Variants in CA8 observed in about 807,000 individuals in gnomAD.
CA8 encodes carbonic anhydrase 8 (inactive), also known as carbonic anhydrase-related protein.
A neutral mutation model predicts 41.4 loss-of-function variants in CA8; 22 were observed. The observed-to-expected ratio is 0.53, with a 90% CI of 0.38 to 0.76. CA8 has a LOEUF of 0.76. CA8 is among the 30% of genes least tolerant of loss of function. The pLI is 0.00. For synonymous variants in CA8, 121 were observed against 130.6 expected, an observed-to-expected ratio of 0.93 and a Z score of 0.50; for missense variants, 270 against 352.8, an observed-to-expected ratio of 0.77 and a Z score of 1.88.
intron 3 of CA8, among the ~76,000 whole-genome samples, chr8:60,261,594 T>C (rs1423101044): frequency 6.6e-6 from 1 of 152,164 alleles, no homozygotes; most frequent in African/African-American, 2.4e-5. Flanking sequence ...CCTAAATCTA[T>C]CCAATTTATG....
intron 8 of CA8, among the ~76,000 whole-genome samples, chr8:60,192,137 A>C (rs565274087): frequency 3.9e-4 from 59 of 152,262 alleles, no homozygotes. Context: ...TGATGATCTT[A>C]TTAGCTTTAC....
At chr8:60,216,844 T>C (rs1807039417) in intron 7 of CA8, among the ~76,000 whole-genome samples, 1 of 152,228 alleles carries the variant, frequency 6.6e-6, no homozygotes, top group Non-Finnish European at 1.5e-5. Context: ...ACTCAACAAA[T>C]CTAAACCTTT....
rs144844490 is a variant in CA8, at chr8:60,185,574, G to A, written c.*4447C>T. ...GGGGGGAAACCATTTGTTTTTGAAA[G>A]CAGAAACAGAAAAACGATTTGTCTT... On this transcript the variant is annotated 3_prime_UTR_variant, in exon 9 of 9. Coordinates refer to ENST00000317995, the MANE Select transcript of CA8 (RefSeq NM_004056.6). Among the ~76,000 whole-genome samples, 21 of 152,196 alleles carry A rather than the reference G, an allele frequency of 1.4e-4. No individual in the cohort carries two copies. The highest frequency in any genetic ancestry group is 4.6e-4 in the African/African-American group (19 of 41,552).
intron 3 of CA8, chr8:60,265,234 G>T (rs13248852): frequency 0.23 from 34,483 of 152,164 alleles, 4,716 homozygotes; most frequent in East Asian, 0.38. Flanking sequence ...CTCACAGGCA[G>T]CAAGAAAGAC....
At chr8:60,226,032 GT>G (rs1807426994) in intron 5 of CA8, among the ~76,000 whole-genome samples, 1 of 152,202 alleles carries the variant, frequency 6.6e-6, no homozygotes, top group African/African-American at 2.4e-5. Context: ...TCATGGCAGG[GT>G]CATGTGGATC....
At chr8:60,265,399 G>A (rs1408566846) in intron 3 of CA8, 1 of 160,810 alleles carries the variant, frequency 6.2e-6, no homozygotes, top group Non-Finnish European at 1.4e-5. Flanking sequence ...GCGTATCAAA[G>A]AAACAGCAGA....
intron 3 of CA8, among the ~76,000 whole-genome samples, chr8:60,244,923 G>A (rs1471983153): frequency 6.6e-6 from 1 of 152,168 alleles, no homozygotes; most frequent in African/African-American, 2.4e-5. Flanking sequence ...GAGAACGGTA[G>A]TTGGTCCAAG....
At chr8:60,247,348 A>T (rs924108151) in intron 3 of CA8, among the ~76,000 whole-genome samples, 5 of 151,940 alleles carry the variant, frequency 3.3e-5, no homozygotes, top group African/African-American at 1.2e-4. Flanking sequence ...ATCAACCCAT[A>T]ATCTAGGTTT....
chr8:60,211,044 C>T (rs1806817323), intron 7 of CA8, among the ~76,000 whole-genome samples: 1 of 152,172 alleles, frequency 6.6e-6, no homozygotes, highest in African/African-American at 2.4e-5. Context: ...GGACTCTGCA[C>T]CCAAAGGCCA....
chr8:60,277,314 TAACCACAGGCAGAAAG>T (rs1404832980), intron 2 of CA8, among the ~76,000 whole-genome samples: 4 of 151,700 alleles, frequency 2.6e-5, no homozygotes, highest in Admixed American at 6.6e-5. Context: ...GAGCAGGGGA[TAACCACAGGCAGAAAG>T]AACCACAGGC....
intron 2 of CA8, among the ~76,000 whole-genome samples, chr8:60,269,250 A>T (rs1376899929): frequency 6.6e-6 from 1 of 152,040 alleles, no homozygotes; most frequent in African/African-American, 2.4e-5. Context: ...TTTAAATAAA[A>T]AAACAAATCA....
intron 7 of CA8, among the ~76,000 whole-genome samples, chr8:60,214,333 G>C (rs1806943801): frequency 6.6e-6 from 1 of 152,156 alleles, no homozygotes; most frequent in African/African-American, 2.4e-5. Context: ...CCATTAACAA[G>C]GGAAGGACCC....
At chr8:60,272,507 C>A (rs139002138) in intron 2 of CA8, among the ~76,000 whole-genome samples, 240 of 152,256 alleles carry the variant, frequency 1.6e-3, no homozygotes, top group African/African-American at 5.6e-3. Flanking sequence ...GAACAAATCT[C>A]TTCCAGACAT....
chr8:60,230,360 T>C (rs1807600513), intron 4 of CA8, among the ~76,000 whole-genome samples: 1 of 152,196 alleles, frequency 6.6e-6, no homozygotes, highest in South Asian at 2.1e-4. Flanking sequence ...ATGTCTGCAA[T>C]AGCTCTTATT....
At chr8:60,237,606 C>T (rs990907084) in intron 3 of CA8, among the ~76,000 whole-genome samples, 4 of 152,234 alleles carry the variant, frequency 2.6e-5, no homozygotes, top group African/African-American at 9.6e-5. Context: ...CCTGCTCTAC[C>T]TGGTAAACAC....
chr8:60,246,923 C>G (rs7813325), intron 3 of CA8, among the ~76,000 whole-genome samples: 54,694 of 140,498 alleles, frequency 0.39, 11,065 homozygotes, highest in African/African-American at 0.49. Flanking sequence ...TTGCTCTGTC[C>G]CCCAGGCTGG....
rs2130645250 is a variant in CA8, at chr8:60,281,237, GGGGAGTGTGAGCACGCGTGA to G, written c.-110_-91del. ...CTGGAGCCGGAGCGGAGCGCGCGTG[GGGGAGTGTGAGCACGCGTGA>G]GCGGCAGTGTGAGTGCGAGAGCGCC... On this transcript the variant is annotated 5_prime_UTR_variant, in exon 1 of 9. Transcript: ENST00000317995. 1 of 924,258 alleles carries G rather than the reference GGGGAGTGTGAGCACGCGTGA, an allele frequency of 1.1e-6. No individual in the cohort carries two copies. The highest frequency in any genetic ancestry group is 2.6e-5 in the East Asian group (1 of 37,990). 57.3% of individuals were successfully genotyped at this position (924,258 alleles called of 1,614,324 possible). A position where few individuals can be genotyped will look rare whatever the true frequency, so the allele number is the denominator to read the frequency against.
At chr8:60,249,732 AAACC>A (rs1420939421) in intron 3 of CA8, among the ~76,000 whole-genome samples, 2 of 152,222 alleles carry the variant, frequency 1.3e-5, no homozygotes, top group East Asian at 1.9e-4. Flanking sequence ...TGAAGAATAT[AAACC>A]AACTATGAAT....
intron 8 of CA8, among the ~76,000 whole-genome samples, chr8:60,196,367 T>G (rs114115550): frequency 0.018 from 2,689 of 152,238 alleles, 82 homozygotes; most frequent in African/African-American, 0.061. Context: ...TCTTACTATA[T>G]CCACTTCATA....
Sources: gnomAD v4.1 joint callset for allele counts (sites outside exome capture counted in the v4.1 genomes callset) on GRCh38, gnomAD v4.1.1 for gene constraint, MANE v1.5 for transcripts, NCBI Gene and HGNC (gene_info 2026-07-23, HGNC 2026-07-21) for gene names.